FAM24A: variants seen among roughly 807,000 people sequenced by gnomAD.
FAM24A encodes protein FAM24A.
In FAM24A, 2 loss-of-function variants were observed where a neutral mutation model predicts 2.8. The observed-to-expected ratio is 0.73, with a 90% CI of 0.30 to 2.28. The LOEUF is 2.28. Ranked by LOEUF, FAM24A falls within the 30% of genes most tolerant of loss-of-function variation. The pLI, the probability that FAM24A is intolerant of heterozygous loss-of-function variation, is 0.12. For synonymous variants in FAM24A, 46 were observed against 47.5 expected, an observed-to-expected ratio of 0.97 and a Z score of 0.13; for missense variants, 109 against 132.0, an observed-to-expected ratio of 0.83 and a Z score of 0.85.
In FAM24A at chr10:122,911,608, C is replaced by G. The variant is rs1367613677; in HGVS notation, c.-2-25C>G. On this transcript the variant is annotated intron_variant, in intron 1 of 2. Coordinates refer to ENST00000368894, the MANE Select transcript of FAM24A (RefSeq NM_001029888.3). ...GCTGTGTGGGGAGGAAGGCCACGTT[C>G]TGCTTCCCTGCACTTTCTCCTTAGG... 4 of 1,611,256 alleles carry G rather than the reference C, an allele frequency of 2.5e-6. No homozygotes were observed. In the Admixed American group the frequency reaches 6.7e-5, roughly 27 times the overall value.
rs964819500 is a variant in FAM24A, at chr10:122,911,722, G to A, written c.88G>A (p.Val30Met). The A allele has an allele frequency of 6.2e-6, 10 of 1,614,154 alleles. No individual in the cohort carries two copies. The highest frequency in any genetic ancestry group is 6.8e-6 in the Non-Finnish European group (8 of 1,180,022). ...LVAAMVLLSV[V>M]FCLYFKVAKA... is the part of the protein sequence containing the mutation. ...TGCCGCGATGGTGCTCCTAAGTGTT[G>A]TGTTCTGTCTTTACTTCAAAGTAGC... The change falls in exon 2 of 3, where the codon GTG becomes ATG. Residue 30 changes from valine (V) to methionine (M), a missense_variant. Coordinates refer to ENST00000368894, the MANE Select transcript of FAM24A (RefSeq NM_001029888.3).
chr10:122,911,895 A>G, intron 2 of FAM24A, 136 bp downstream of exon 2: 1 of 1,180,110 alleles, frequency 8.5e-7, no homozygotes, highest in East Asian at 2.4e-5. Context: ...CAGTTTTGAA[A>G]AGGCAGAAAT....
intron 2 of FAM24A, 140 bp downstream of exon 2, chr10:122,911,899 C>A: frequency 9.3e-7 from 1 of 1,073,002 alleles, no homozygotes; most frequent in Non-Finnish European, 1.4e-6. Context: ...TTTGAAAAGG[C>A]AGAAATGGCA....
chr10:122,912,713 G>C (rs1177371453), intron 2 of FAM24A, 49 bp from the exon 3 acceptor site: 1 of 1,553,006 alleles, frequency 6.4e-7, no homozygotes, highest in East Asian at 2.3e-5. Flanking sequence ...CTAACAAATG[G>C]ACTGAGAAGA....
At chr10:122,912,646 C>A in intron 2 of FAM24A, 116 bp from the exon 3 acceptor site, 4 of 895,052 alleles carry the variant, frequency 4.5e-6, no homozygotes, top group Non-Finnish European at 7.0e-6. Context: ...TAATGTAGGG[C>A]TGGTGTTCAT....
intron 2 of FAM24A, among the ~76,000 whole-genome samples, chr10:122,912,450 C>G (rs966717646): frequency 5.3e-5 from 8 of 151,812 alleles, no homozygotes; most frequent in African/African-American, 1.9e-4. Flanking sequence ...GAGACACATC[C>G]CGGAGCCTGG....
chr10:122,911,588 G>T (rs761105885), intron 1 of FAM24A, 45 bp from the exon 2 acceptor site: 19 of 1,607,174 alleles, frequency 1.2e-5, no homozygotes, highest in Non-Finnish European at 1.6e-5. Context: ...TAGTGGCTGT[G>T]TGGGGAGGAA....
At position 122,911,721 on chromosome 10, in the gene FAM24A, T is replaced by G; in HGVS notation, c.87T>G (p.Val29=). Residue 29 remains valine, a synonymous_variant, in exon 2 of 3, where the codon GTT becomes GTG. Transcript: ENST00000368894. Reference sequence around the variant, plus strand: ...TTGCCGCGATGGTGCTCCTAAGTGTTGTGTTCTGTCTTTACTTCAAAGTAG... The same window carrying G: ...TTGCCGCGATGGTGCTCCTAAGTGTGGTGTTCTGTCTTTACTTCAAAGTAG... The part of the protein sequence containing the change: ...LLVAAMVLLS[V]VFCLYFKVAK... 3 of 1,614,142 alleles carry G rather than the reference T, an allele frequency of 1.9e-6. No individual in the cohort carries two copies. The highest frequency in any genetic ancestry group is 2.5e-6 in the Non-Finnish European group (3 of 1,180,014).
chr10:122,911,217 A>G (rs556106693), intron 1 of FAM24A, among the ~76,000 whole-genome samples: 2 of 152,332 alleles, frequency 1.3e-5, no homozygotes, highest in South Asian at 2.1e-4. Context: ...TACTTTTTAA[A>G]CTAATTCTCT....
At position 122,911,661 on chromosome 10, in the gene FAM24A, G is replaced by A. The variant is rs761039075; in HGVS notation, c.27G>A (p.Thr9=). MAKMFDLR[T]KIMIGIGSSL... is the part of the protein sequence containing the mutation. ...TGGCAAAGATGTTTGATCTCAGGACGAAGATCATGATCGGCATCGGAAGCA... is the reference window on the plus strand; with the variant it reads ...TGGCAAAGATGTTTGATCTCAGGACAAAGATCATGATCGGCATCGGAAGCA... The change falls in exon 2 of 3, where the codon ACG becomes ACA. Residue 9 remains threonine, a synonymous_variant. Transcript: ENST00000368894. 5.6e-6 allele frequency: 9 copies of A among 1,614,068 alleles called. No homozygotes were observed. The East Asian group carries it at 1.1e-4, about 20-fold the overall frequency.
Position 122,911,628 on chromosome 10 carries a change from C to T in FAM24A, c.-2-5C>T. 1 of 1,613,348 alleles carries T rather than the reference C, an allele frequency of 6.2e-7. No individual in the cohort carries two copies. Among genetic ancestry groups the T allele is most frequent in the Non-Finnish European group, 8.5e-7 (1 of 1,179,922 alleles). On this transcript the variant is annotated splice_region_variant and splice_polypyrimidine_tract_variant and intron_variant, in intron 1 of 2. Transcript: ENST00000368894. Reference sequence around the variant, plus strand: ...ACGTTCTGCTTCCCTGCACTTTCTCCTTAGGCATGGCAAAGATGTTTGATC... The same window carrying T: ...ACGTTCTGCTTCCCTGCACTTTCTCTTTAGGCATGGCAAAGATGTTTGATC...
rs1848322138 is a variant in FAM24A, at chr10:122,911,732, T to C, written c.98T>C (p.Leu33Pro). The change falls in exon 2 of 3, where the codon CTT becomes CCT. Residue 33 changes from leucine to proline, a missense_variant. By Grantham distance (98) the Leu-to-Pro change is moderately conservative. Transcript: ENST00000368894. The stretch of plus-strand genomic sequence containing the variant: ...GTGCTCCTAAGTGTTGTGTTCTGTC[T>C]TTACTTCAAAGTAGCTAAGGCACTA... ...AMVLLSVVFC[L>P]YFKVAKALKA... 3 of 1,614,106 alleles carry C rather than the reference T, an allele frequency of 1.9e-6. No homozygotes were observed. Among genetic ancestry groups the C allele is most frequent in the Non-Finnish European group, 2.5e-6 (3 of 1,179,980 alleles).
Position 122,911,624 on chromosome 10 carries a change from T to C in FAM24A, c.-2-9T>C, listed in dbSNP as rs1848319741. On this transcript the variant is annotated splice_polypyrimidine_tract_variant and intron_variant, in intron 1 of 2. Transcript: ENST00000368894. The stretch of plus-strand genomic sequence containing the variant: ...GGCCACGTTCTGCTTCCCTGCACTT[T>C]CTCCTTAGGCATGGCAAAGATGTTT... 6.2e-7 allele frequency: 1 copy of C among 1,613,088 alleles called. No homozygotes were observed. Among genetic ancestry groups the C allele is most frequent in the African/African-American group, 1.3e-5 (1 of 74,890 alleles).
intron 2 of FAM24A, 108 bp from the exon 3 acceptor site, chr10:122,912,654 C>A: frequency 9.9e-7 from 1 of 1,010,088 alleles, no homozygotes; most frequent in Non-Finnish European, 1.5e-6. Context: ...GGCTGGTGTT[C>A]ATGTTTGATT....
intron 1 of FAM24A, 146 bp from the exon 2 acceptor site, chr10:122,911,487 C>G: frequency 8.5e-7 from 1 of 1,179,866 alleles, no homozygotes; most frequent in Non-Finnish European, 1.2e-6. Context: ...TGCCCCTGGA[C>G]CAGCTTAGGA....
At chr10:122,911,584 C>A in intron 1 of FAM24A, 49 bp from the exon 2 acceptor site, 1 of 1,604,622 alleles carries the variant, frequency 6.2e-7, no homozygotes, top group Non-Finnish European at 8.5e-7. Context: ...TGTTTAGTGG[C>A]TGTGTGGGGA....
Position 122,911,766 on chromosome 10 carries a change from CAT to C in FAM24A, c.125+8_125+9del, listed in dbSNP as rs758576098. 8.6e-5 allele frequency: 139 copies of C among 1,613,756 alleles called. No individual in the cohort carries two copies. Among genetic ancestry groups the C allele is most frequent in the Non-Finnish European group, 1.1e-4 (128 of 1,179,900 alleles). The stretch of plus-strand genomic sequence containing the variant: ...AAGTAGCTAAGGCACTAAAGTGAGT[CAT>C]GTGGGGGAAAATGAATTACACCTCC... On this transcript the variant is annotated splice_region_variant and intron_variant, in intron 2 of 2. Coordinates refer to ENST00000368894, the MANE Select transcript of FAM24A (RefSeq NM_001029888.3).
In FAM24A at chr10:122,912,838, GCC is replaced by G. The variant is rs773814863; in HGVS notation, c.203_204del (p.Ala68GlufsTer15). On this transcript the variant is annotated frameshift_variant, in exon 3 of 3. Transcript: ENST00000368894. LOFTEE classifies it low-confidence loss of function (END_TRUNC). ...GGTGTGTTGGGCCACGAACAGCCAG[GCC>G]AAAGCCACCACCATGGAGTCTTGTC... ...DKVCWATNSQ[A>X]KATTMESCPS... 1 of 1,614,120 alleles carries G rather than the reference GCC, an allele frequency of 6.2e-7. No homozygotes were observed.
chr10:122,913,052 T>C lies in FAM24A; in HGVS notation c.*98T>C. 1 of 1,063,544 alleles carries C rather than the reference T, an allele frequency of 9.4e-7. No homozygotes were observed. The allele number at this position is 1,063,544 out of a possible 1,614,324, so 65.9% of individuals were successfully genotyped here. The stretch of plus-strand genomic sequence containing the variant: ...CAAGTTCTAGAGTGTTTACATACTA[T>C]TATATAATGTACAGTGTTATTTTCT... On this transcript the variant is annotated 3_prime_UTR_variant, in exon 3 of 3. Transcript: ENST00000368894.
Sources: gnomAD v4.1 joint callset for allele counts (sites outside exome capture counted in the v4.1 genomes callset) on GRCh38, gnomAD v4.1.1 for gene constraint, MANE v1.5 for transcripts, NCBI Gene and HGNC (gene_info 2026-07-23, HGNC 2026-07-21) for gene names.